Variants in SHB observed in about 807,000 individuals in gnomAD.
The protein encoded by SHB is SH2 domain containing adaptor protein B, also known as SH2 domain-containing adapter protein B.
In SHB, 20 loss-of-function variants were observed where a neutral mutation model predicts 52.3. The observed-to-expected ratio is 0.38, with a 90% CI of 0.27 to 0.56. The LOEUF (loss-of-function observed/expected upper bound fraction) is 0.56, where lower values mean the gene tolerates loss of function less well. SHB is among the 20% of genes least tolerant of loss of function. The pLI, the probability that SHB is intolerant of heterozygous loss-of-function variation, is 0.71. For missense variants in SHB, 825 were observed against 723.3 expected (o/e 1.14, Z -1.61); for synonymous variants, 397 against 316.5 (o/e 1.25, Z -2.70).
intron 5 of SHB, among the ~76,000 whole-genome samples, chr9:37,947,574 G>T (rs571756954): frequency 3.3e-5 from 5 of 152,160 alleles, no homozygotes; most frequent in African/African-American, 1.2e-4. Context: ...CATGCCTGCC[G>T]CCCTCCTGAC....
At chr9:38,051,436 C>T (rs1208200608) in intron 1 of SHB, among the ~76,000 whole-genome samples, 4 of 126,466 alleles carry the variant, frequency 3.2e-5, no homozygotes, top group East Asian at 2.1e-4. Context: ...AGTGAGACTC[C>T]GTCTAAAAAA....
intron 2 of SHB, among the ~76,000 whole-genome samples, chr9:37,987,008 G>A (rs1343993809): frequency 6.6e-6 from 1 of 152,244 alleles, no homozygotes; most frequent in African/African-American, 2.4e-5. Context: ...TAAAGCCATA[G>A]GGGACAGGCT....
chr9:37,931,488 G>A (rs1832310397), intron 5 of SHB, among the ~76,000 whole-genome samples: 1 of 152,172 alleles, frequency 6.6e-6, no homozygotes, highest in Non-Finnish European at 1.5e-5. Context: ...TATATGAAAA[G>A]GTGTTCAACA....
intron 5 of SHB, 150 bp downstream of exon 5, chr9:37,948,485 A>C (rs753566971): frequency 3.5e-6 from 3 of 863,768 alleles, no homozygotes; most frequent in Non-Finnish European, 5.4e-6. Flanking sequence ...CCAGGAGAAT[A>C]GGATCAAATT....
At chr9:37,977,732 G>C (rs577393890) in intron 2 of SHB, among the ~76,000 whole-genome samples, 17 of 152,180 alleles carry the variant, frequency 1.1e-4, no homozygotes, top group Admixed American at 9.8e-4. Context: ...GTCTTCCTCC[G>C]TTCTGAGGAG....
chr9:38,029,177 T>C (rs773166919), intron 1 of SHB, among the ~76,000 whole-genome samples: 1 of 152,184 alleles, frequency 6.6e-6, no homozygotes, highest in Non-Finnish European at 1.5e-5. Context: ...AGTGGTCCAA[T>C]CAACTCTGCC....
chr9:37,947,713 G>A (rs548088720), intron 5 of SHB, among the ~76,000 whole-genome samples: 2 of 152,180 alleles, frequency 1.3e-5, no homozygotes, highest in East Asian at 1.9e-4. Flanking sequence ...CTACAGGGCC[G>A]GCATGTGTGT....
chr9:38,062,501 C>T (rs567134993), intron 1 of SHB, among the ~76,000 whole-genome samples: 38 of 152,198 alleles, frequency 2.5e-4, no homozygotes, highest in Admixed American at 1.2e-3. Context: ...AGACCTTATG[C>T]GCTCCTGCTT....
intron 4 of SHB, 91 bp from the exon 5 acceptor site, chr9:37,948,845 C>A: frequency 6.6e-7 from 1 of 1,522,576 alleles, no homozygotes; most frequent in Admixed American, 1.7e-5. Context: ...CCGCAGAGAG[C>A]CTCCCTGTAC....
intron 1 of SHB, among the ~76,000 whole-genome samples, chr9:38,052,501 C>G (rs767304394): frequency 1.3e-5 from 2 of 152,198 alleles, no homozygotes; most frequent in African/African-American, 4.8e-5. Flanking sequence ...GACAAGCGCT[C>G]GGTCAATTTC....
At chr9:37,995,097 G>T (rs942565300) in intron 2 of SHB, among the ~76,000 whole-genome samples, 18 of 152,154 alleles carry the variant, frequency 1.2e-4, no homozygotes, top group African/African-American at 4.3e-4. Context: ...AGCTGAGTTG[G>T]CGCTGCCAGA....
intron 3 of SHB, among the ~76,000 whole-genome samples, chr9:37,965,130 AG>A (rs1564089995): frequency 6.6e-6 from 1 of 152,220 alleles, no homozygotes. Flanking sequence ...TAAGACCCAA[AG>A]CCCCAGCCCC....
chr9:37,917,825 G>A lies in SHB; in HGVS notation c.*1996C>T, dbSNP rs1023939660. Among the ~76,000 whole-genome samples, 10 of 152,256 alleles carry A rather than the reference G, an allele frequency of 6.6e-5. No homozygotes were observed. Among genetic ancestry groups the A allele is most frequent in the Non-Finnish European group, 1.2e-4 (8 of 68,050 alleles). ...TTAAACCCAGGCCACAGCCAGCGTG[G>A]TCTCTATGAGGGCTGGGCCACGTGG... On this transcript the variant is annotated 3_prime_UTR_variant, in exon 6 of 6. Coordinates refer to ENST00000377707, the MANE Select transcript of SHB (RefSeq NM_003028.3).
intron 4 of SHB, among the ~76,000 whole-genome samples, chr9:37,954,044 C>A (rs889668805): frequency 1.3e-5 from 2 of 152,162 alleles, no homozygotes; most frequent in African/African-American, 4.8e-5. Context: ...CAGACTGACC[C>A]AGGCAGACCT....
intron 5 of SHB, chr9:37,936,889 G>T (rs1587199739): frequency 6.6e-6 from 1 of 152,302 alleles, no homozygotes; most frequent in South Asian, 2.1e-4. Flanking sequence ...CCTTAGGGAG[G>T]AAGGACACTG....
intron 2 of SHB, among the ~76,000 whole-genome samples, chr9:38,001,066 T>G (rs1329120958): frequency 6.6e-6 from 1 of 152,240 alleles, no homozygotes; most frequent in Admixed American, 6.5e-5. Context: ...TCTTCCTTTT[T>G]TCTTTATTTT....
chr9:38,023,755 G>A (rs1380166244), intron 1 of SHB, among the ~76,000 whole-genome samples: 1 of 152,108 alleles, frequency 6.6e-6, no homozygotes, highest in African/African-American at 2.4e-5. Context: ...AGGCACTTCC[G>A]CCTGTGTGCT....
chr9:37,942,328 G>A (rs1832444082), intron 5 of SHB, among the ~76,000 whole-genome samples: 1 of 152,246 alleles, frequency 6.6e-6, no homozygotes, highest in South Asian at 2.1e-4. Flanking sequence ...CCTCCTTGGA[G>A]GAGATGGGAC....
intron 1 of SHB, among the ~76,000 whole-genome samples, chr9:38,041,079 C>G (rs545928265): frequency 1.3e-5 from 2 of 152,260 alleles, no homozygotes; most frequent in East Asian, 1.9e-4. Flanking sequence ...TCCAGGCTAA[C>G]AAGCCACAGC....
Sources: allele counts gnomAD v4.1 joint callset (sites outside exome capture counted in the v4.1 genomes callset), GRCh38; gene constraint gnomAD v4.1.1; transcripts MANE v1.5; gene names NCBI Gene and HGNC (gene_info 2026-07-23, HGNC 2026-07-21).